DPP6: variants seen among roughly 807,000 people sequenced by gnomAD.
DPP6 encodes A-type potassium channel modulatory protein DPP6.
Under a neutral mutation model 122.6 loss-of-function variants are expected in DPP6, and 69 were observed. The ratio of observed to expected loss-of-function variants is 0.56; its 90% CI spans 0.46 to 0.69. DPP6 has a LOEUF of 0.69. Among genes scored for constraint, DPP6 ranks in the 30% least tolerant of loss-of-function variants. DPP6 has a pLI of 0.00. For synonymous variants in DPP6, 418 were observed against 433.1 expected (o/e 0.97, Z 0.43); for missense variants, 928 against 1,116.9 (o/e 0.83, Z 2.41).
chr7:154,195,888 C>T (rs1798841490), intron 1 of DPP6, among the ~76,000 whole-genome samples: 1 of 152,160 alleles, frequency 6.6e-6, no homozygotes, highest in African/African-American at 2.4e-5. Flanking sequence ...CCCTGCTTTC[C>T]ACCTGTGCCT....
intron 1 of DPP6, among the ~76,000 whole-genome samples, chr7:154,231,017 G>A (rs1186210120): frequency 6.6e-6 from 1 of 152,180 alleles, no homozygotes; most frequent in Non-Finnish European, 1.5e-5. Flanking sequence ...TTTGACATTT[G>A]TAAGACTTCT....
chr7:153,952,995 C>G (rs1309749998), intron 1 of DPP6, among the ~76,000 whole-genome samples: 1 of 152,124 alleles, frequency 6.6e-6, no homozygotes, highest in African/African-American at 2.4e-5. Flanking sequence ...ATTTTATGTC[C>G]TGTATTACAA....
chr7:154,122,277 G>A (rs899272858), intron 1 of DPP6, among the ~76,000 whole-genome samples: 3 of 152,314 alleles, frequency 2.0e-5, no homozygotes, highest in Middle Eastern at 3.4e-3. Context: ...CAGAGGTGGC[G>A]TGGTGTGGAG....
At chr7:154,255,884 T>C (rs922127913) in intron 1 of DPP6, among the ~76,000 whole-genome samples, 1 of 152,186 alleles carries the variant, frequency 6.6e-6, no homozygotes, top group African/African-American at 2.4e-5. Context: ...ACTTGGTGTT[T>C]TATTTTACTC....
chr7:153,816,724 A>G, the DPP6 span, among the ~76,000 whole-genome samples: 3 of 152,100 alleles, frequency 2.0e-5, no homozygotes, highest in African/African-American at 4.8e-5. Flanking sequence ...AGAGGAATCC[A>G]TGGCTCAGAG....
intron 1 of DPP6, among the ~76,000 whole-genome samples, chr7:154,356,412 T>G (rs924880874): frequency 6.6e-6 from 1 of 152,176 alleles, no homozygotes; most frequent in African/African-American, 2.4e-5. Context: ...ACCTTAAAAG[T>G]TCTAACTTGG....
intron 8 of DPP6, among the ~76,000 whole-genome samples, chr7:154,764,875 A>G (rs1795803294): frequency 6.6e-6 from 1 of 152,166 alleles, no homozygotes; most frequent in Non-Finnish European, 1.5e-5. Flanking sequence ...TCAGTTGTAA[A>G]GGGGCACTTA....
the DPP6 span, among the ~76,000 whole-genome samples, chr7:153,800,528 C>CT: frequency 7.2e-5 from 11 of 152,040 alleles, no homozygotes; most frequent in East Asian, 1.5e-3. Context: ...GTTAACGAAA[C>CT]TTTTTTTTAA....
At chr7:154,467,374 G>A (rs1031065310) in intron 2 of DPP6, among the ~76,000 whole-genome samples, 1 of 152,124 alleles carries the variant, frequency 6.6e-6, no homozygotes, top group Non-Finnish European at 1.5e-5. Context: ...TCATGGGGCT[G>A]GTTTCTAATG....
At chr7:154,021,810 T>C (rs1798713223) in intron 1 of DPP6, among the ~76,000 whole-genome samples, 1 of 152,214 alleles carries the variant, frequency 6.6e-6, no homozygotes, top group Non-Finnish European at 1.5e-5. Flanking sequence ...CCTCCCTGTT[T>C]CATTTATCAA....
At chr7:154,873,360 C>A (rs1049149345) in intron 19 of DPP6, among the ~76,000 whole-genome samples, 1 of 152,192 alleles carries the variant, frequency 6.6e-6, no homozygotes, top group Non-Finnish European at 1.5e-5. Flanking sequence ...AGGGGGCCAC[C>A]TGGACCGTTG....
intron 4 of DPP6, among the ~76,000 whole-genome samples, chr7:154,549,645 G>A (rs1030708683): frequency 4.6e-5 from 7 of 152,164 alleles, no homozygotes; most frequent in Admixed American, 2.0e-4. Context: ...ATCAGTCTCT[G>A]CTTACGTTAG....
chr7:153,840,244 T>G, the DPP6 span, among the ~76,000 whole-genome samples: 3 of 152,120 alleles, frequency 2.0e-5, no homozygotes, highest in Admixed American at 2.0e-4. Context: ...CATTAAAATA[T>G]CAGAGAAAAA....
At position 153,898,959 on chromosome 7, in the gene DPP6, T is replaced by C. The variant is rs192414267; in HGVS notation, c.51+11225T>C. Among the ~76,000 whole-genome samples the C allele has an allele frequency of 1.3e-3, 202 of 152,360 alleles. 1 individual carries two copies. The highest frequency in any genetic ancestry group is 4.6e-3 in the African/African-American group (193 of 41,584). On this transcript the variant is annotated intron_variant, in intron 1 of 25. Transcript: ENST00000404039. ...TTTGCATTCTGATTAGTTGGCTTTA[T>C]GAAATAAGTCACCATTATTCAAGAA...
Position 154,357,273 on chromosome 7 carries a change from G to A in DPP6, c.244-88941G>A, listed in dbSNP as rs541080581. Among the ~76,000 whole-genome samples the A allele has an allele frequency of 7.5e-5, 11 of 146,142 alleles. No homozygotes were observed. The South Asian group carries it at 1.1e-3, about 14-fold the overall frequency. ...GCATTATCTTTAGAAAGTAATGTGG[G>A]GCTTTTTTTTTTTTTTTTGCAATTG... On this transcript the variant is annotated intron_variant, in intron 1 of 25. Coordinates refer to ENST00000377770, the MANE Select transcript of DPP6 (RefSeq NM_130797.4).
chr7:154,472,325 C>T (rs1822347881), intron 2 of DPP6, among the ~76,000 whole-genome samples: 1 of 152,198 alleles, frequency 6.6e-6, no homozygotes, highest in Admixed American at 6.5e-5. Flanking sequence ...ACGCCAATGC[C>T]AACACACACA....
chr7:154,479,731 G>A (rs1263429324), intron 3 of DPP6, among the ~76,000 whole-genome samples: 3 of 151,972 alleles, frequency 2.0e-5, no homozygotes, highest in Non-Finnish European at 4.4e-5. Context: ...TAACCTTTTG[G>A]AGCCCCTTTG....
intron 5 of DPP6, among the ~76,000 whole-genome samples, chr7:154,585,369 A>G (rs904365363): frequency 2.6e-5 from 4 of 152,262 alleles, no homozygotes; most frequent in African/African-American, 9.6e-5. Flanking sequence ...ACAGACTTTC[A>G]TTACTGCATC....
intron 7 of DPP6, among the ~76,000 whole-genome samples, chr7:154,724,688 A>G (rs1326119231): frequency 6.6e-6 from 1 of 151,774 alleles, no homozygotes; most frequent in Non-Finnish European, 1.5e-5. Context: ...CCCCTCCTGT[A>G]TGATTCCGCT....
Sources: allele counts gnomAD v4.1 joint callset (sites outside exome capture counted in the v4.1 genomes callset), GRCh38; gene constraint gnomAD v4.1.1; transcripts MANE v1.5; gene names NCBI Gene and HGNC (gene_info 2026-07-23, HGNC 2026-07-21).